ZNF287: variants seen among roughly 807,000 people sequenced by gnomAD.
The protein encoded by ZNF287 is zinc finger protein with KRAB and SCAN domains 13.
A neutral mutation model predicts 73.7 loss-of-function variants in ZNF287; 31 were observed. The ratio of observed to expected loss-of-function variants is 0.42; its 90% CI spans 0.32 to 0.57. ZNF287 has a LOEUF of 0.57. Ranked by LOEUF, ZNF287 falls within the 20% of genes least tolerant of loss-of-function variation. The pLI is 0.13. For synonymous variants in ZNF287, 301 were observed against 307.2 expected, an observed-to-expected ratio of 0.98 and a Z score of 0.21; for missense variants, 641 against 909.3, an observed-to-expected ratio of 0.70 and a Z score of 3.79.
Position 16,552,063 on chromosome 17 carries a change from T to C in ZNF287, c.2079A>G (p.Gln693=), listed in dbSNP as rs971769207. The C allele has an allele frequency of 1.2e-6, 2 of 1,614,100 alleles. No individual in the cohort carries two copies. Among genetic ancestry groups the C allele is most frequent in the African/African-American group, 2.7e-5 (2 of 75,052 alleles). ...TCTCTCCAGTATGAGTTCTCTGATG[T>C]TGATTAAGTGATGAGGAATAAATGA... ...KAFIYSSSLN[Q]HQRTHTGERP... Residue 693 remains glutamine, a synonymous_variant, in exon 6 of 6, where the codon CAA becomes CAG. Transcript: ENST00000395825. This position sits in a 1 kb window ranked among gnomAD's most constrained non-coding sequence, Gnocchi z 6.5.
chr17:16,567,285 T>C, intron 2 of ZNF287, 44 bp downstream of exon 2: 3 of 1,566,708 alleles, frequency 1.9e-6, no homozygotes, highest in Non-Finnish European at 2.6e-6. Context: ...TTGTCTTCTT[T>C]AACCACCCAG....
chr17:16,565,993 T>C (rs540574913), intron 3 of ZNF287, among the ~76,000 whole-genome samples: 1 of 152,166 alleles, frequency 6.6e-6, no homozygotes, highest in African/African-American at 2.4e-5. Flanking sequence ...TCTCAAAAAA[T>C]ATATATAAAT....
Position 16,566,565 on chromosome 17 carries a change from T to C in ZNF287, c.461A>G (p.His154Arg), listed in dbSNP as rs149325980. ...DTPEEDPRGKHAFQTGWLNDL... is the reference protein window; with the variant it reads ...DTPEEDPRGKRAFQTGWLNDL... ...ATTTAGCCATCCTGTCTGGAAAGCA[T>C]GTTTTCCTCTGGGGTCTTCCTCTGG... The change falls in exon 3 of 6, where the codon CAT becomes CGT. Residue 154 changes from histidine (H) to arginine (R), a missense_variant. By Grantham distance (29) the His-to-Arg change is conservative. Coordinates refer to ENST00000395825, the MANE Select transcript of ZNF287 (RefSeq NM_020653.4). 7.4e-6 allele frequency: 12 copies of C among 1,613,378 alleles called. No individual in the cohort carries two copies. Among genetic ancestry groups the C allele is most frequent in the Middle Eastern group, 3.3e-4 (2 of 6,082 alleles).
chr17:16,556,604 T>C (rs1907087562), intron 5 of ZNF287, among the ~76,000 whole-genome samples: 1 of 152,112 alleles, frequency 6.6e-6, no homozygotes, highest in African/African-American at 2.4e-5. Context: ...AAACCAACTT[T>C]CTCAAGCTAG....
At chr17:16,553,921 A>G (rs919234335) in intron 5 of ZNF287, among the ~76,000 whole-genome samples, 2 of 152,206 alleles carry the variant, frequency 1.3e-5, no homozygotes, top group African/African-American at 4.8e-5. Flanking sequence ...AGTCCTCCCA[A>G]TAGCAGCATA....
chr17:16,552,976 G>T lies in ZNF287; in HGVS notation c.1166C>A (p.Thr389Asn). The T allele has an allele frequency of 6.2e-7, 1 of 1,614,058 alleles. No homozygotes were observed. The highest frequency in any genetic ancestry group is 2.2e-5 in the East Asian group (1 of 44,884). ...KYPSLLKHQS[T>N]HAKEKSYECE... ...TTCATACGATTTCTCTTTGGCATGGGTACTTTGGTGTTTCAGGAGGGATGG... is the reference window on the plus strand; with the variant it reads ...TTCATACGATTTCTCTTTGGCATGGTTACTTTGGTGTTTCAGGAGGGATGG... The change falls in exon 6 of 6, where the codon ACC becomes AAC. Residue 389 changes from threonine to asparagine, a missense_variant. Transcript: ENST00000395825. The surrounding 1 kb of genome is among the most constrained non-coding windows in gnomAD (Gnocchi z 6.5).
rs772516911 is a variant in ZNF287, at chr17:16,548,519, C to T, written c.*3337G>A. Among the ~76,000 whole-genome samples the T allele has an allele frequency of 9.9e-5, 15 of 152,062 alleles. No homozygotes were observed. Among genetic ancestry groups the T allele is most frequent in the South Asian group, 6.2e-4 (3 of 4,818 alleles). On this transcript the variant is annotated 3_prime_UTR_variant, in exon 6 of 6. Transcript: ENST00000395825. ...GCTCTCTTAAAGAGGAAAAACTGTC[C>T]GGGCGCGGTGGTTCACGCCTGTAAT...
chr17:16,565,709 G>A (rs531676065), intron 3 of ZNF287, among the ~76,000 whole-genome samples: 27 of 151,944 alleles, frequency 1.8e-4, no homozygotes, highest in African/African-American at 5.1e-4. Flanking sequence ...ACTCATGGCC[G>A]GGCGCGGTGG....
chr17:16,551,590 T>C lies in ZNF287; in HGVS notation c.*266A>G. 2 of 395,232 alleles carry C rather than the reference T, an allele frequency of 5.1e-6. No homozygotes were observed. The highest frequency in any genetic ancestry group is 9.0e-6 in the Non-Finnish European group (2 of 221,944). 24.5% of individuals were successfully genotyped at this position (395,232 alleles called of 1,614,324 possible). On this transcript the variant is annotated 3_prime_UTR_variant, in exon 6 of 6. Coordinates refer to ENST00000395825, the MANE Select transcript of ZNF287 (RefSeq NM_020653.4). ...AAGTGTACTTGAAATAGAGAGTTGA[T>C]GAGTTATGTTTTTGAATACCCTTCA...
At chr17:16,563,569 A>T in intron 4 of ZNF287, 130 bp downstream of exon 4, 1 of 1,082,284 alleles carries the variant, frequency 9.2e-7, no homozygotes, top group Non-Finnish European at 1.3e-6. Context: ...GGAGTAAAAC[A>T]GTCACTTTCG....
In ZNF287 at chr17:16,548,224, T is replaced by C. The variant is rs375086430; in HGVS notation, c.*3632A>G. ...GTGTCAGTCCACAGATTAATTGCAA[T>C]AGGAAAAACTACCTTTATATTGGGA... is the stretch of plus-strand genomic sequence containing the variant. On this transcript the variant is annotated 3_prime_UTR_variant, in exon 6 of 6. Transcript: ENST00000395825. Among the ~76,000 whole-genome samples, 73 of 152,304 alleles carry C rather than the reference T, an allele frequency of 4.8e-4. No individual in the cohort carries two copies. Among genetic ancestry groups the C allele is most frequent in the African/African-American group, 1.4e-3 (59 of 41,570 alleles).
At chr17:16,553,516 G>T in intron 5 of ZNF287, 90 bp from the exon 6 acceptor site, 1 of 1,068,716 alleles carries the variant, frequency 9.4e-7, no homozygotes, top group Non-Finnish European at 1.3e-6. Context: ...TAGATAAAAT[G>T]CCCAAAGACA....
intron 1 of ZNF287, 96 bp from the exon 2 acceptor site, chr17:16,568,025 A>C: frequency 9.1e-7 from 1 of 1,100,328 alleles, no homozygotes; most frequent in Non-Finnish European, 1.1e-6. Flanking sequence ...TGCATAGATG[A>C]ACACACATAA....
chr17:16,556,309 TCA>T (rs1441800943), intron 5 of ZNF287, among the ~76,000 whole-genome samples: 2 of 152,032 alleles, frequency 1.3e-5, no homozygotes, highest in African/African-American at 4.8e-5. Context: ...AAATACAAAA[TCA>T]CAGTTTACCT....
chr17:16,553,992 C>A (rs1349893552), intron 5 of ZNF287, among the ~76,000 whole-genome samples: 1 of 152,204 alleles, frequency 6.6e-6, no homozygotes, highest in Non-Finnish European at 1.5e-5. Context: ...CATACTGAAT[C>A]AGAAACTCTG....
Position 16,551,671 on chromosome 17 carries a change from A to G in ZNF287, c.*185T>C, listed in dbSNP as rs1906667972. The G allele has an allele frequency of 1.8e-6, 1 of 559,094 alleles. No individual in the cohort carries two copies. The highest frequency in any genetic ancestry group is 3.0e-6 in the Non-Finnish European group (1 of 338,022). The allele number at this position is 559,094 out of a possible 1,614,324, so 34.6% of individuals were successfully genotyped here. A position where few individuals can be genotyped will look rare whatever the true frequency, so the allele number is the denominator to read the frequency against. On this transcript the variant is annotated 3_prime_UTR_variant, in exon 6 of 6. Coordinates refer to ENST00000395825, the MANE Select transcript of ZNF287 (RefSeq NM_020653.4). ...ATATCAAATTAAGGTTAAGAAGTCA[A>G]GTTTCCTTCTTAAATTTCACATTAA...
intron 2 of ZNF287, 137 bp downstream of exon 2, chr17:16,567,192 A>G: frequency 1.8e-6 from 2 of 1,132,780 alleles, no homozygotes; most frequent in Non-Finnish European, 2.5e-6. Context: ...TGTTCTCCCC[A>G]GTTTCTTTCT....
intron 3 of ZNF287, among the ~76,000 whole-genome samples, chr17:16,565,941 C>T (rs1028625455): frequency 4.6e-5 from 7 of 152,156 alleles, no homozygotes; most frequent in Non-Finnish European, 7.3e-5. Flanking sequence ...GGACCAAGAT[C>T]GCACCACTGC....
At chr17:16,563,448 A>C (rs73980200) in intron 4 of ZNF287, among the ~76,000 whole-genome samples, 6 of 152,264 alleles carry the variant, frequency 3.9e-5, no homozygotes, top group African/African-American at 1.2e-4. Context: ...AGGAAGAAAC[A>C]TTCCCTTAGA....
Sources: gnomAD v4.1 joint callset for allele counts (sites outside exome capture counted in the v4.1 genomes callset) on GRCh38, gnomAD v4.1.1 for gene constraint, Gnocchi (gnomAD v3.1) non-coding constraint, MANE v1.5 for transcripts, NCBI Gene and HGNC (gene_info 2026-07-23, HGNC 2026-07-21) for gene names.